DSTN: variants seen among roughly 807,000 people sequenced by gnomAD.
The protein encoded by DSTN is destrin.
A neutral mutation model predicts 16.8 loss-of-function variants in DSTN; 10 were observed. The ratio of observed to expected loss-of-function variants is 0.60; its 90% CI spans 0.37 to 1.01. DSTN has a LOEUF of 1.01. Ranked by LOEUF, DSTN falls within the 50% of genes least tolerant of loss-of-function variation. DSTN has a pLI of 0.01. For synonymous variants in DSTN, 57 were observed against 58.9 expected, an observed-to-expected ratio of 0.97 and a Z score of 0.14; for missense variants, 141 against 196.7, an observed-to-expected ratio of 0.72 and a Z score of 1.69.
chr20:17,574,813 T>G (rs1183195121), intron 1 of DSTN, among the ~76,000 whole-genome samples: 3 of 149,068 alleles, frequency 2.0e-5, no homozygotes. Context: ...CTTTCTCCTT[T>G]CCTTTCCTTT....
At chr20:17,575,870 C>T (rs2035272516) in intron 1 of DSTN, among the ~76,000 whole-genome samples, 1 of 152,272 alleles carries the variant, frequency 6.6e-6, no homozygotes, top group South Asian at 2.1e-4. Flanking sequence ...CATAACATTT[C>T]TGTCTAGATT....
intron 1 of DSTN, chr20:17,599,692 T>C (rs1319081610): frequency 6.6e-6 from 1 of 152,244 alleles, no homozygotes; most frequent in African/African-American, 2.4e-5. Flanking sequence ...GGTGCTGTAG[T>C]TGTCAAAGAC....
At chr20:17,592,384 C>T (rs1401595655) in intron 1 of DSTN, among the ~76,000 whole-genome samples, 3 of 147,530 alleles carry the variant, frequency 2.0e-5, no homozygotes, top group Non-Finnish European at 4.4e-5. Context: ...GAGCCATGAT[C>T]ACATCACTGC....
At chr20:17,604,369 A>G (rs569279268) in intron 2 of DSTN, among the ~76,000 whole-genome samples, 186 bp from the exon 3 acceptor site, 2 of 152,318 alleles carry the variant, frequency 1.3e-5, no homozygotes, top group Non-Finnish European at 2.9e-5. Flanking sequence ...GTGATTCTGC[A>G]TATGCCTATC....
chr20:17,572,645 G>T (rs934623214), intron 1 of DSTN, among the ~76,000 whole-genome samples: 2 of 152,108 alleles, frequency 1.3e-5, no homozygotes, highest in Non-Finnish European at 2.9e-5. Context: ...TCTAATACTT[G>T]GTGATTAGCA....
At chr20:17,574,457 C>G (rs1188593133) in intron 1 of DSTN, among the ~76,000 whole-genome samples, 1 of 152,212 alleles carries the variant, frequency 6.6e-6, no homozygotes, top group Non-Finnish European at 1.5e-5. Context: ...ACTTACCCCT[C>G]TCTTTCCTGG....
At chr20:17,593,327 A>G (rs957385797) in intron 1 of DSTN, among the ~76,000 whole-genome samples, 3 of 152,216 alleles carry the variant, frequency 2.0e-5, no homozygotes, top group Non-Finnish European at 4.4e-5. Context: ...TGCTGTCCTT[A>G]TCTTCTCCAT....
At chr20:17,592,023 A>T (rs889952037) in intron 1 of DSTN, 4 of 985,348 alleles carry the variant, frequency 4.1e-6, no homozygotes, top group African/African-American at 1.7e-5. Context: ...GGAGTTTAGA[A>T]GAAGGTCAGA....
intron 1 of DSTN, chr20:17,592,045 T>C (rs1252628925): frequency 1.0e-6 from 1 of 985,326 alleles, no homozygotes; most frequent in Non-Finnish European, 1.2e-6. Context: ...CCCTGGGCAG[T>C]GTTGGGCCAG....
chr20:17,570,724 G>C (rs918639488), intron 1 of DSTN, among the ~76,000 whole-genome samples: 1 of 152,240 alleles, frequency 6.6e-6, no homozygotes, highest in Non-Finnish European at 1.5e-5. Context: ...AGCCTTTATG[G>C]AACAGTCCTA....
At chr20:17,605,362 CAT>C (rs1346795009) in intron 3 of DSTN, among the ~76,000 whole-genome samples, 3 of 152,242 alleles carry the variant, frequency 2.0e-5, no homozygotes, top group Non-Finnish European at 2.9e-5. Flanking sequence ...GACTTGGTCT[CAT>C]GTGTGAGTTT....
chr20:17,574,874 T>TG (rs1336102989), intron 1 of DSTN, among the ~76,000 whole-genome samples: 4 of 114,514 alleles, frequency 3.5e-5, no homozygotes, highest in African/African-American at 1.5e-4. Flanking sequence ...TCTTTTGTTT[T>TG]TTTTTTTTTT....
chr20:17,596,748 A>G (rs924115443), intron 1 of DSTN: 15 of 985,130 alleles, frequency 1.5e-5, no homozygotes, highest in Non-Finnish European at 1.8e-5. Flanking sequence ...TTCTGATAGA[A>G]AAAAAGACAA....
rs541413908 is a variant in DSTN at position 17,599,519 on chromosome 20, A to G, written c.4-1219A>G. The G allele has an allele frequency of 4.6e-5, 7 of 152,376 alleles. No homozygotes were observed. In the East Asian group the frequency reaches 1.2e-3, roughly 25 times the overall value. The allele number at this position is 152,376 out of a possible 1,614,324, so 9.4% of individuals were successfully genotyped here. Reference sequence around the variant, plus strand: ...GATGGGAGACCTCTGGGTACCACTTATGCCTCACATTGGCCTAAGAGGATG... The same window carrying G: ...GATGGGAGACCTCTGGGTACCACTTGTGCCTCACATTGGCCTAAGAGGATG... On this transcript the variant is annotated intron_variant, in intron 1 of 3. Transcript: ENST00000246069.
At chr20:17,573,954 C>T (rs550964118) in intron 1 of DSTN, among the ~76,000 whole-genome samples, 4 of 148,738 alleles carry the variant, frequency 2.7e-5, no homozygotes, top group East Asian at 2.0e-4. Flanking sequence ...CATCCCAGCA[C>T]GTTGGGAGGT....
chr20:17,601,180 A>G (rs1600712582), intron 2 of DSTN, 135 bp downstream of exon 2: 2 of 1,158,264 alleles, frequency 1.7e-6, no homozygotes, highest in African/African-American at 3.2e-5. Flanking sequence ...TACAGGTTTC[A>G]TAATGTTACC....
intron 1 of DSTN, among the ~76,000 whole-genome samples, chr20:17,594,910 A>C (rs1444079197): frequency 6.6e-6 from 1 of 152,132 alleles, no homozygotes; most frequent in Non-Finnish European, 1.5e-5. Context: ...TTAGAAATGG[A>C]CCAGCTTGTT....
intron 2 of DSTN, among the ~76,000 whole-genome samples, chr20:17,602,751 G>T (rs2035600030): frequency 6.6e-6 from 1 of 152,174 alleles, no homozygotes; most frequent in Non-Finnish European, 1.5e-5. Context: ...ACTCTGCTGG[G>T]CGCAGTGACT....
In DSTN at chr20:17,608,683, G is replaced by A. The variant is rs976041142; in HGVS notation, c.*1537G>A. The A allele has an allele frequency of 6.6e-6, 1 of 150,834 alleles. No individual in the cohort carries two copies. The highest frequency in any genetic ancestry group is 1.5e-5 in the Non-Finnish European group (1 of 67,888). 9.3% of individuals were successfully genotyped at this position (150,834 alleles called of 1,614,324 possible). On this transcript the variant is annotated 3_prime_UTR_variant, in exon 4 of 4. Transcript: ENST00000246069. ...GAAAGTTGGTGTAAAAGTTGGGAAC[G>A]TTTTCAATGTTTATTACACTATAAG...
Sources: gnomAD v4.1 joint callset for allele counts (sites outside exome capture counted in the v4.1 genomes callset) on GRCh38, gnomAD v4.1.1 for gene constraint, MANE v1.5 for transcripts, NCBI Gene and HGNC (gene_info 2026-07-23, HGNC 2026-07-21) for gene names.